Variants in NELL1 observed in about 807,000 individuals in gnomAD.
NELL1 encodes the protein neural EGFL like 1.
In NELL1, 76 loss-of-function variants were observed where a neutral mutation model predicts 107.4. The ratio of observed to expected loss-of-function variants is 0.71; its 90% CI spans 0.59 to 0.86. The LOEUF is 0.86. Among genes scored for constraint, NELL1 ranks in the 40% least tolerant of loss-of-function variants. The pLI is 0.00. For missense variants in NELL1, 1,024 were observed against 1,005.5 expected, an observed-to-expected ratio of 1.02 and a Z score of -0.25; for synonymous variants, 353 against 341.2, an observed-to-expected ratio of 1.03 and a Z score of -0.38.
At chr11:21,263,795 T>G (rs963389889) in intron 14 of NELL1, among the ~76,000 whole-genome samples, 17 of 151,878 alleles carry the variant, frequency 1.1e-4, no homozygotes, top group African/African-American at 3.9e-4. Flanking sequence ...GAATTCAGCT[T>G]TTTCAGATCT....
intron 5 of NELL1, among the ~76,000 whole-genome samples, chr11:20,910,000 G>T (rs1850089915): frequency 6.6e-6 from 1 of 152,072 alleles, no homozygotes; most frequent in African/African-American, 2.4e-5. Context: ...AAGCTCACAG[G>T]TCTGCTCAAA....
At chr11:20,907,841 A>G (rs1440977940) in intron 5 of NELL1, among the ~76,000 whole-genome samples, 1 of 152,180 alleles carries the variant, frequency 6.6e-6, no homozygotes, top group Non-Finnish European at 1.5e-5. Flanking sequence ...CAGAATTTAC[A>G]AGGAACTTAA....
chr11:21,475,795 G>T (rs1854316551), intron 15 of NELL1, among the ~76,000 whole-genome samples: 1 of 152,204 alleles, frequency 6.6e-6, no homozygotes. Context: ...ACAGCTTTTT[G>T]TAAGTGGAAA....
chr11:21,229,765 C>A (rs1228808740), intron 14 of NELL1, among the ~76,000 whole-genome samples: 1 of 152,176 alleles, frequency 6.6e-6, no homozygotes, highest in African/African-American at 2.4e-5. Flanking sequence ...CTTTTCTTTC[C>A]TGTGAGATTT....
At chr11:20,906,405 T>C (rs1289513597) in intron 5 of NELL1, among the ~76,000 whole-genome samples, 1 of 152,108 alleles carries the variant, frequency 6.6e-6, no homozygotes. Flanking sequence ...CACTGGTGAA[T>C]TGCAACAAAC....
At chr11:20,887,976 A>G (rs1849543476) in intron 5 of NELL1, among the ~76,000 whole-genome samples, 1 of 152,096 alleles carries the variant, frequency 6.6e-6, no homozygotes, top group African/African-American at 2.4e-5. Context: ...TTTTTTTTTA[A>G]TTTTTTAAAA....
At chr11:20,683,543 G>C (rs1015315799) in intron 2 of NELL1, among the ~76,000 whole-genome samples, 1 of 151,860 alleles carries the variant, frequency 6.6e-6, no homozygotes, top group Admixed American at 6.6e-5. Context: ...TGTTTTCTGT[G>C]TTCTTTGTTC....
intron 11 of NELL1, among the ~76,000 whole-genome samples, chr11:20,955,938 G>A (rs1851161046): frequency 6.6e-6 from 1 of 152,066 alleles, no homozygotes; most frequent in African/African-American, 2.4e-5. Flanking sequence ...TGATCAGTAT[G>A]GGCCAGGCAC....
At chr11:21,387,375 C>T (rs1226823461) in intron 15 of NELL1, among the ~76,000 whole-genome samples, 1 of 151,734 alleles carries the variant, frequency 6.6e-6, no homozygotes, top group Admixed American at 6.6e-5. Flanking sequence ...TGATGGTCAC[C>T]CACCATGAAT....
chr11:21,282,367 A>G (rs573464633), intron 14 of NELL1, among the ~76,000 whole-genome samples: 1 of 152,004 alleles, frequency 6.6e-6, no homozygotes, highest in Admixed American at 6.6e-5. Flanking sequence ...TTTAATAGAA[A>G]CAGCGTTTAG....
rs558012547 is a variant in NELL1 at position 21,426,877 on chromosome 11, A to C, written c.1645+55929A>C. ...ATCCAAGAGAATTACGACATAGTCC[A>C]TCTGGAGCACTGGCATGGGGTGAAT... On this transcript the variant is annotated intron_variant, in intron 15 of 19. Coordinates refer to ENST00000357134, the MANE Select transcript of NELL1 (RefSeq NM_006157.5). Among the ~76,000 whole-genome samples the C allele has an allele frequency of 1.1e-4, 17 of 152,312 alleles. 1 individual carries two copies. The South Asian group carries it at 3.3e-3, about 30-fold the overall frequency.
chr11:21,218,729 A>C (rs1213200755), intron 13 of NELL1, among the ~76,000 whole-genome samples: 1 of 152,208 alleles, frequency 6.6e-6, no homozygotes, highest in East Asian at 1.9e-4. Flanking sequence ...AGTATGAGTG[A>C]GAATACATGG....
intron 16 of NELL1, among the ~76,000 whole-genome samples, chr11:21,536,279 T>C (rs770227592): frequency 6.6e-6 from 1 of 152,056 alleles, no homozygotes; most frequent in Non-Finnish European, 1.5e-5. Context: ...CCTCAGGCAG[T>C]CCTCAGTATC....
chr11:21,083,475 G>T (rs989681873), intron 12 of NELL1, among the ~76,000 whole-genome samples: 1 of 152,120 alleles, frequency 6.6e-6, no homozygotes, highest in Non-Finnish European at 1.5e-5. Context: ...GTGTTAACAG[G>T]TTACACACTG....
intron 2 of NELL1, among the ~76,000 whole-genome samples, chr11:20,776,811 C>T (rs1856760571): frequency 6.6e-6 from 1 of 152,078 alleles, no homozygotes; most frequent in Admixed American, 6.5e-5. Context: ...GCAGAAGCAT[C>T]AGTTGAATGC....
chr11:20,889,945 G>C (rs1014866870), intron 5 of NELL1, among the ~76,000 whole-genome samples: 4 of 152,128 alleles, frequency 2.6e-5, no homozygotes, highest in African/African-American at 9.7e-5. Context: ...TGAAGAATCC[G>C]GGCAGTCTAG....
rs146222427 is a variant in NELL1, at chr11:20,919,317, G to T, written c.742G>T (p.Ala248Ser). Residue 248 changes from alanine (A) to serine (S), a missense_variant, in exon 7 of 20, where the codon GCC becomes TCC. Transcript: ENST00000357134. ...AATAATGGATTTACAAGAGCTTTTG[G>T]CCAAGATGACTGCAAAAGTAGGTAT... ...QGIMDLQELL[A>S]KMTAKLNYAE... 2.0e-4 allele frequency: 316 copies of T among 1,601,334 alleles called. No individual in the cohort carries two copies. The highest frequency in any genetic ancestry group is 1.5e-4 in the Non-Finnish European group (177 of 1,171,276).
At chr11:21,079,024 T>A (rs1278734663) in intron 12 of NELL1, among the ~76,000 whole-genome samples, 1 of 151,610 alleles carries the variant, frequency 6.6e-6, no homozygotes, top group Non-Finnish European at 1.5e-5. Flanking sequence ...CAACATTAAG[T>A]TATAAGACTG....
intron 15 of NELL1, among the ~76,000 whole-genome samples, chr11:21,462,179 TA>T: frequency 6.6e-6 from 1 of 152,222 alleles, no homozygotes; most frequent in Middle Eastern, 3.4e-3. Context: ...ATTCAAACTG[TA>T]GTCTCATACA....
Sources: gnomAD v4.1 joint callset for allele counts (sites outside exome capture counted in the v4.1 genomes callset) on GRCh38, gnomAD v4.1.1 for gene constraint, MANE v1.5 for transcripts, NCBI Gene and HGNC (gene_info 2026-07-23, HGNC 2026-07-21) for gene names.